The following LARGE1 variants were observed in gnomAD, a reference collection of about 807,000 sequenced individuals.
LARGE1 encodes the protein xylosyl- and glucuronyltransferase LARGE1.
Under a neutral mutation model 87.6 loss-of-function variants are expected in LARGE1, and 43 were observed. The ratio of observed to expected loss-of-function variants is 0.49; its 90% CI spans 0.38 to 0.63. The LOEUF (loss-of-function observed/expected upper bound fraction) is 0.63. Ranked by LOEUF, LARGE1 falls within the 30% of genes least tolerant of loss-of-function variation. LARGE1 has a pLI of 0.00. For missense variants in LARGE1, 802 were observed against 1,000.2 expected, an observed-to-expected ratio of 0.80 and a Z score of 2.67; for synonymous variants, 434 against 394.6, an observed-to-expected ratio of 1.10 and a Z score of -1.18.
chr22:33,875,645 G>A (rs1356740408), intron 1 of LARGE1, among the ~76,000 whole-genome samples: 1 of 152,248 alleles, frequency 6.6e-6, no homozygotes, highest in African/African-American at 2.4e-5. Context: ...GCAGGTGACC[G>A]ATGAATTTAG....
chr22:33,075,085 A>C, the LARGE1 span, among the ~76,000 whole-genome samples: 1 of 152,208 alleles, frequency 6.6e-6, no homozygotes, highest in Non-Finnish European at 1.5e-5. Context: ...AGCCTGAACT[A>C]TTAACCATTA....
chr22:33,911,839 T>C (rs1208240779), intron 1 of LARGE1, among the ~76,000 whole-genome samples: 1 of 152,214 alleles, frequency 6.6e-6, no homozygotes, highest in Non-Finnish European at 1.5e-5. Context: ...ATCCTTCACA[T>C]TTTTAAAACA....
In LARGE1 at chr22:33,473,608, C is replaced by G. The variant is rs574249572; in HGVS notation, c.788-41343G>C. 5.6e-4 allele frequency among the ~76,000 whole-genome samples: 85 copies of G among 152,192 alleles called. 1 individual carries two copies. The highest frequency in any genetic ancestry group is 1.9e-3 in the African/African-American group (79 of 41,538). Reference sequence around the variant, plus strand: ...GACCTCGTGATCCACCATGCCCAACCAATTTTTTGTATTTTTAGTAGAGGT... The same window carrying G: ...GACCTCGTGATCCACCATGCCCAACGAATTTTTTGTATTTTTAGTAGAGGT... On this transcript the variant is annotated intron_variant, in intron 6 of 14. Coordinates refer to ENST00000397394, the MANE Select transcript of LARGE1 (RefSeq NM_133642.5).
chr22:33,679,845 A>C (rs1437500784), intron 2 of LARGE1, among the ~76,000 whole-genome samples: 1 of 152,098 alleles, frequency 6.6e-6, no homozygotes, highest in Non-Finnish European at 1.5e-5. Flanking sequence ...TCTGTCTCAA[A>C]AAACAAACAA....
chr22:33,141,194 T>TCTCA, the LARGE1 span, among the ~76,000 whole-genome samples: 6,265 of 141,670 alleles, frequency 0.044, 417 homozygotes, highest in African/African-American at 0.16. Context: ...TCTCTCTCTC[T>TCTCA]CACACACACA....
chr22:33,820,861 C>A (rs1016426601), intron 1 of LARGE1, among the ~76,000 whole-genome samples: 1 of 152,102 alleles, frequency 6.6e-6, no homozygotes, highest in Non-Finnish European at 1.5e-5. Context: ...GCTGTCTAAC[C>A]AACCTCCAGA....
In LARGE1 at chr22:33,529,080, C is replaced by A. The variant is rs148221336; in HGVS notation, c.787+35768G>T. Among the ~76,000 whole-genome samples, 10 of 152,308 alleles carry A rather than the reference C, an allele frequency of 6.6e-5. No homozygotes were observed. The East Asian group carries it at 1.9e-3, about 29-fold the overall frequency. Reference sequence around the variant, plus strand: ...TAGCACTTTTTTTCCTCTAATTATTCTCTCTTTTGTCCTTCCTCAGTATCT... The same window carrying A: ...TAGCACTTTTTTTCCTCTAATTATTATCTCTTTTGTCCTTCCTCAGTATCT... On this transcript the variant is annotated intron_variant, in intron 6 of 14. Coordinates refer to ENST00000397394, the MANE Select transcript of LARGE1 (RefSeq NM_133642.5).
intron 7 of LARGE1, among the ~76,000 whole-genome samples, chr22:33,422,509 A>G (rs113080110): frequency 5.0e-4 from 72 of 144,094 alleles, no homozygotes; most frequent in African/African-American, 1.8e-3. Flanking sequence ...AGTGCTACAC[A>G]CTTTTTTTTT....
the LARGE1 span, among the ~76,000 whole-genome samples, chr22:33,103,795 C>G: frequency 6.6e-6 from 1 of 152,124 alleles, no homozygotes; most frequent in Admixed American, 6.6e-5. Context: ...CCCATAATTC[C>G]CAAGTGTTGT....
chr22:33,391,937 T>C (rs747663791), intron 7 of LARGE1, among the ~76,000 whole-genome samples: 6 of 151,686 alleles, frequency 4.0e-5, no homozygotes, highest in Non-Finnish European at 7.4e-5. Flanking sequence ...ACCCAGCTAA[T>C]TTTTTGTATT....
At chr22:33,860,603 G>C (rs943377441) in intron 1 of LARGE1, among the ~76,000 whole-genome samples, 6 of 152,174 alleles carry the variant, frequency 3.9e-5, no homozygotes, top group Non-Finnish European at 7.3e-5. Context: ...CTGACACTCA[G>C]CGTCCTGAGC....
At chr22:33,542,200 C>A (rs2077232964) in intron 6 of LARGE1, among the ~76,000 whole-genome samples, 1 of 150,926 alleles carries the variant, frequency 6.6e-6, no homozygotes, top group Non-Finnish European at 1.5e-5. Context: ...AAGCCCACTT[C>A]CATTGTAACT....
At chr22:33,801,783 G>C (rs1472076808) in intron 1 of LARGE1, among the ~76,000 whole-genome samples, 1 of 152,026 alleles carries the variant, frequency 6.6e-6, no homozygotes, top group Non-Finnish European at 1.5e-5. Flanking sequence ...ATCAGAAGAG[G>C]TACCTGGACA....
intron 9 of LARGE1, among the ~76,000 whole-genome samples, chr22:33,359,722 C>T (rs1011575868): frequency 2.0e-5 from 3 of 149,060 alleles, no homozygotes; most frequent in Non-Finnish European, 4.5e-5. Flanking sequence ...CACCACCACG[C>T]CCGGCTAATT....
chr22:33,478,323 A>C (rs375790537), intron 6 of LARGE1, among the ~76,000 whole-genome samples: 21 of 152,234 alleles, frequency 1.4e-4, no homozygotes, highest in African/African-American at 4.8e-4. Flanking sequence ...TGAAGGCTAA[A>C]GGAGCTCCAG....
At chr22:33,080,159 C>T in the LARGE1 span, among the ~76,000 whole-genome samples, 31 of 152,294 alleles carry the variant, frequency 2.0e-4, no homozygotes, top group Non-Finnish European at 3.4e-4. Context: ...GTCTTAGCTT[C>T]GACATTCACT....
At chr22:33,309,627 A>G (rs1935342293) in intron 11 of LARGE1, among the ~76,000 whole-genome samples, 2 of 152,196 alleles carry the variant, frequency 1.3e-5, no homozygotes, top group Admixed American at 1.3e-4. Flanking sequence ...ACTGTGATAA[A>G]TACATTTCCA....
intron 11 of LARGE1, among the ~76,000 whole-genome samples, chr22:33,217,045 A>G (rs1201642687): frequency 6.6e-6 from 1 of 152,192 alleles, no homozygotes; most frequent in Non-Finnish European, 1.5e-5. Flanking sequence ...ATGTGGAACA[A>G]TGGGGACTCT....
intron 2 of LARGE1, among the ~76,000 whole-genome samples, chr22:33,676,327 G>A (rs9621754): frequency 0.044 from 5,133 of 116,998 alleles, 331 homozygotes; most frequent in African/African-American, 0.15. Flanking sequence ...CAGAGAATAC[G>A]TCCAGCAGGT....
Sources: gnomAD v4.1 joint callset for allele counts (sites outside exome capture counted in the v4.1 genomes callset) on GRCh38, gnomAD v4.1.1 for gene constraint, MANE v1.5 for transcripts, NCBI Gene and HGNC (gene_info 2026-07-23, HGNC 2026-07-21) for gene names.